Variants in DUOX2 observed in about 807,000 individuals in gnomAD.
DUOX2 encodes the protein dual oxidase 2.
DUOX2 carries 185 observed loss-of-function variants against 183.3 expected under a neutral mutation model. That is an observed-to-expected ratio of 1.01 (90% CI 0.90 to 1.14). The LOEUF is 1.14. Among genes scored for constraint, DUOX2 ranks in the 50% most tolerant of loss-of-function variants. The probability of loss-of-function intolerance (pLI) is 0.00; values close to 1 mark genes in which losing one functional copy is unlikely to be tolerated. For synonymous variants in DUOX2, 788 were observed against 812.4 expected (o/e 0.97, Z 0.51); for missense variants, 1,999 against 2,022.9 (o/e 0.99, Z 0.23).
chr15:45,099,900 C>T lies in DUOX2; in HGVS notation c.3185-8G>A, dbSNP rs760375335. 9.5e-5 allele frequency: 154 copies of T among 1,613,836 alleles called. No homozygotes were observed. The highest frequency in any genetic ancestry group is 1.2e-4 in the Non-Finnish European group (143 of 1,179,862). On this transcript the variant is annotated splice_polypyrimidine_tract_variant and splice_region_variant and intron_variant, in intron 24 of 33. Transcript: ENST00000389039. Reference sequence around the variant, plus strand: ...GCGAGGCAAAGCCATAGTCTGGGGCCGGAGTGAGGTTACATCAGCTTGGCA... The same window carrying T: ...GCGAGGCAAAGCCATAGTCTGGGGCTGGAGTGAGGTTACATCAGCTTGGCA...
Position 45,094,177 on chromosome 15 carries a change from G to A in DUOX2, c.4620C>T (p.His1540=). The A allele has an allele frequency of 6.2e-7, 1 of 1,614,186 alleles. No individual in the cohort carries two copies. Among genetic ancestry groups the A allele is most frequent in the Non-Finnish European group, 8.5e-7 (1 of 1,180,034 alleles). ...AGAAGTTCTCATAGTGGTGCATGAA[G>A]TGGGCTCGGTCCTGCCTGTTGACGA... ...CQLVNRQDRA[H]FMHHYENF Residue 1540 remains histidine, a synonymous_variant, in exon 34 of 34, where the codon CAC becomes CAT. Transcript: ENST00000389039.
chr15:45,112,778 C>T, intron 3 of DUOX2, 60 bp from the exon 4 acceptor site: 2 of 1,605,020 alleles, frequency 1.2e-6, no homozygotes, highest in South Asian at 1.1e-5. Flanking sequence ...TCCCCCAAAC[C>T]TCTCCCTAAG....
chr15:45,097,825 C>G, intron 27 of DUOX2, 84 bp from the exon 28 acceptor site: 1 of 1,605,916 alleles, frequency 6.2e-7, no homozygotes, highest in Non-Finnish European at 8.5e-7. Context: ...CCCTATCCTT[C>G]CCTCCTTCCT....
At chr15:45,112,333 G>A (rs1017276533) in intron 4 of DUOX2, among the ~76,000 whole-genome samples, 3 of 152,154 alleles carry the variant, frequency 2.0e-5, no homozygotes, top group African/African-American at 7.2e-5. Flanking sequence ...ACACCCCTAG[G>A]TTGGAATAAG....
intron 27 of DUOX2, 80 bp from the exon 28 acceptor site, chr15:45,097,821 C>T: frequency 1.2e-6 from 2 of 1,606,002 alleles, no homozygotes; most frequent in Non-Finnish European, 1.7e-6. Context: ...ATTCCCCTAT[C>T]CTTCCCTCCT....
chr15:45,095,799 C>T, intron 30 of DUOX2, 29 bp downstream of exon 30: 1 of 1,604,048 alleles, frequency 6.2e-7, no homozygotes, highest in Non-Finnish European at 8.5e-7. Flanking sequence ...TGCCAGAGGC[C>T]CGGAAGCAGG....
Position 45,097,403 on chromosome 15 carries a change from G to T in DUOX2, c.3694-12C>A. The T allele has an allele frequency of 6.2e-7, 1 of 1,614,222 alleles. No individual in the cohort carries two copies. The highest frequency in any genetic ancestry group is 8.5e-7 in the Non-Finnish European group (1 of 1,180,038). The stretch of plus-strand genomic sequence containing the variant: ...CCATGGATGATGAGCTGGAGACACG[G>T]CCAGTTAGTACAACTCAGGCCCAGC... On this transcript the variant is annotated splice_polypyrimidine_tract_variant and intron_variant, in intron 28 of 33. Coordinates refer to ENST00000389039, the MANE Select transcript of DUOX2 (RefSeq NM_001363711.2).
chr15:45,108,358 C>G, intron 12 of DUOX2, 136 bp from the exon 13 acceptor site: 1 of 1,042,500 alleles, frequency 9.6e-7, no homozygotes, highest in Non-Finnish European at 1.4e-6. Context: ...CTTAGGCAAG[C>G]CCCCTCAGGC....
In DUOX2 at chr15:45,104,273, G is replaced by T. The variant is rs369335936; in HGVS notation, c.2427C>A (p.Ala809=). The T allele has an allele frequency of 6.2e-7, 1 of 1,614,074 alleles. No individual in the cohort carries two copies. Among genetic ancestry groups the T allele is most frequent in the East Asian group, 2.2e-5 (1 of 44,866 alleles). Residue 809 remains alanine, a synonymous_variant, in exon 19 of 34, where the codon GCC becomes GCA. Coordinates refer to ENST00000389039, the MANE Select transcript of DUOX2 (RefSeq NM_001363711.2). ...REALTCELSR[A]EFAESLGLKP... is the part of the protein sequence containing the mutation. ...TGAGGCCCAGGGACTCGGCAAACTC[G>T]GCCCTGCTCAGCTCGCAGGTCAGGG...
rs1206601257 is a variant in DUOX2 at position 45,097,261 on chromosome 15, A to G, written c.3824T>C (p.Val1275Ala). The G allele has an allele frequency of 6.2e-7, 1 of 1,614,212 alleles. No homozygotes were observed. Among genetic ancestry groups the G allele is most frequent in the Non-Finnish European group, 8.5e-7 (1 of 1,180,032 alleles). The change falls in exon 29 of 34, where the codon GTG becomes GCG. Residue 1275 changes from valine (V) to alanine (A), a missense_variant. Val to Ala is a moderately conservative substitution (Grantham distance 64). Around this residue, in one of 3 missense-constraint regions of DUOX2, gnomAD observed 1,628 missense variants for 1,608.6 expected, o/e 1.01. Coordinates refer to ENST00000389039, the MANE Select transcript of DUOX2 (RefSeq NM_001363711.2). ...LSRKKVEISV[V>A]KAELLPSGVT... is the part of the protein sequence containing the mutation. ...ACCTGAGGGCAGCAGCTCCGCCTTC[A>G]CCACGCTGATCTCCACCTTCTTCCG...
At chr15:45,107,694 T>A (rs920932321) in intron 13 of DUOX2, among the ~76,000 whole-genome samples, 5 of 151,154 alleles carry the variant, frequency 3.3e-5, no homozygotes, top group African/African-American at 7.3e-5. Context: ...AAATATTTTT[T>A]AAAAAAATTA....
At chr15:45,104,077 G>A (rs1320521881) in intron 19 of DUOX2, 24 bp from the exon 20 acceptor site, 1 of 1,614,118 alleles carries the variant, frequency 6.2e-7, no homozygotes, top group Non-Finnish European at 8.5e-7. Context: ...AGGGAATGCA[G>A]GTCATCTCCT....
rs751311879 is a variant in DUOX2 at position 45,099,728 on chromosome 15, A to C, written c.3349T>G (p.Tyr1117Asp). 3 of 1,614,060 alleles carry C rather than the reference A, an allele frequency of 1.9e-6. No individual in the cohort carries two copies. In the African/African-American group the frequency reaches 4.0e-5, roughly 22 times the overall value. ...TCCACTGCGGCATCAAAAGGCACAT[A>C]GCGGTTGAGGAAAGTCTCTCGCAGG... is the stretch of plus-strand genomic sequence containing the variant. The part of the protein sequence containing the change: ...TFLRETFLNR[Y>D]VPFDAAVDFH... The change falls in exon 25 of 34, where the codon TAT (tyrosine) becomes GAT (aspartate). Residue 1117 changes from tyrosine to aspartate, a missense_variant. Physicochemically the swap from Tyr to Asp is radical, Grantham distance 160. Transcript: ENST00000389039.
intron 12 of DUOX2, 40 bp from the exon 13 acceptor site, chr15:45,108,262 C>G: frequency 6.2e-7 from 1 of 1,609,902 alleles, no homozygotes; most frequent in Non-Finnish European, 8.5e-7. Context: ...CGTATGTTTG[C>G]TGCGGAGGGC....
intron 20 of DUOX2, among the ~76,000 whole-genome samples, chr15:45,102,673 G>A (rs1298469914): frequency 6.6e-6 from 1 of 152,168 alleles, no homozygotes; most frequent in Non-Finnish European, 1.5e-5. Context: ...GATACACGCT[G>A]AGTTACAGGA....
At chr15:45,094,846 GGCCGT>G in intron 32 of DUOX2, 85 bp downstream of exon 32, 1 of 1,599,206 alleles carries the variant, frequency 6.3e-7, no homozygotes, top group Non-Finnish European at 8.6e-7. Context: ...AGCTCAGCCT[GGCCGT>G]CCACCCACCT....
rs757623697 is a variant in DUOX2, at chr15:45,105,679, G to A, written c.2298C>T (p.Arg766=). The change falls in exon 18 of 34, where the codon CGC becomes CGT. Residue 766 remains arginine (R), a synonymous_variant. Coordinates refer to ENST00000389039, the MANE Select transcript of DUOX2 (RefSeq NM_001363711.2). ...GGTGTCTGAAGAAGATCTCCAGGAT[G>A]CGTTCCCGCTGCTGCTTTGTCACAG... ...RKAVTKQQRE[R]ILEIFFRHLF... is the part of the protein sequence containing the mutation. 4 of 1,614,246 alleles carry A rather than the reference G, an allele frequency of 2.5e-6. No homozygotes were observed. The highest frequency in any genetic ancestry group is 3.4e-6 in the Non-Finnish European group (4 of 1,180,050).
At position 45,109,876 on chromosome 15, in the gene DUOX2, G is replaced by A. The variant is rs1894331171; in HGVS notation, c.1131+14C>T. The A allele has an allele frequency of 6.2e-7, 1 of 1,613,414 alleles. No homozygotes were observed. The highest frequency in any genetic ancestry group is 8.5e-7 in the Non-Finnish European group (1 of 1,179,328). On this transcript the variant is annotated intron_variant, in intron 10 of 33. Transcript: ENST00000389039. Reference sequence around the variant, plus strand: ...CCTTGACCCATCTTCCCCTGACCCTGACCCCAGTCTGACCTCCCGAATCCA... The same window carrying A: ...CCTTGACCCATCTTCCCCTGACCCTAACCCCAGTCTGACCTCCCGAATCCA...
At chr15:45,107,612 G>A in intron 13 of DUOX2, 149 bp from the exon 14 acceptor site, 1 of 864,496 alleles carries the variant, frequency 1.2e-6, no homozygotes, top group African/African-American at 1.7e-5. Context: ...GGGAGGCCAA[G>A]GCGAGTGGAT....
Sources: allele counts gnomAD v4.1 joint callset (sites outside exome capture counted in the v4.1 genomes callset), GRCh38; gene constraint gnomAD v4.1.1; regional missense constraint gnomAD v4.1.1; transcripts MANE v1.5; gene names NCBI Gene and HGNC (gene_info 2026-07-23, HGNC 2026-07-21).